RAPGEF6: variants seen among roughly 807,000 people sequenced by gnomAD.
RAPGEF6 encodes PDZ domain containing guanine nucleotide exchange factor (GEF) 2.
A neutral mutation model predicts 171.4 loss-of-function variants in RAPGEF6; 56 were observed. That is an observed-to-expected ratio of 0.33 (90% CI 0.26 to 0.41). RAPGEF6 has a LOEUF of 0.41. Among genes scored for constraint, RAPGEF6 ranks in the 10% least tolerant of loss-of-function variants. RAPGEF6 has a pLI of 1.00. For missense variants in RAPGEF6, 1,674 were observed against 1,921.4 expected, an observed-to-expected ratio of 0.87 and a Z score of 2.41; for synonymous variants, 692 against 650.1, an observed-to-expected ratio of 1.06 and a Z score of -0.98.
intron 1 of RAPGEF6, among the ~76,000 whole-genome samples, chr5:131,623,108 C>T (rs1341236696): frequency 1.3e-5 from 2 of 152,160 alleles, no homozygotes; most frequent in South Asian, 4.1e-4. Context: ...TAGGCAATTA[C>T]GTTAACACCT....
intron 8 of RAPGEF6, 48 bp from the exon 9 acceptor site, chr5:131,508,255 C>A: frequency 1.4e-6 from 2 of 1,475,716 alleles, no homozygotes; most frequent in South Asian, 1.4e-5. Context: ...AGGACTATAC[C>A]TTAAAAATAC....
At chr5:131,599,278 G>A (rs1024788558) in intron 3 of RAPGEF6, among the ~76,000 whole-genome samples, 3 of 152,088 alleles carry the variant, frequency 2.0e-5, no homozygotes, top group Non-Finnish European at 4.4e-5. Flanking sequence ...AGTGAGCCGA[G>A]ATTTTGCCAC....
intron 6 of RAPGEF6, among the ~76,000 whole-genome samples, chr5:131,543,357 C>T (rs1438680886): frequency 2.0e-5 from 3 of 152,170 alleles, no homozygotes; most frequent in South Asian, 2.1e-4. Flanking sequence ...ATACTTTTCA[C>T]GTTTTCTAAT....
chr5:131,522,887 T>C (rs1438207603), intron 6 of RAPGEF6, among the ~76,000 whole-genome samples: 1 of 152,158 alleles, frequency 6.6e-6, no homozygotes, highest in African/African-American at 2.4e-5. Flanking sequence ...AGTAAACTGA[T>C]GCTAATTTTA....
At chr5:131,510,093 G>A (rs1219532170) in intron 8 of RAPGEF6, among the ~76,000 whole-genome samples, 3 of 152,150 alleles carry the variant, frequency 2.0e-5, no homozygotes, top group Admixed American at 2.0e-4. Context: ...GGGAAGACCT[G>A]GATGGCTGCA....
At chr5:131,493,126 G>A (rs1209101839) in intron 13 of RAPGEF6, among the ~76,000 whole-genome samples, 3 of 152,112 alleles carry the variant, frequency 2.0e-5, no homozygotes, top group Non-Finnish European at 2.9e-5. Flanking sequence ...GCACAGTGGC[G>A]CGATCTCGAC....
Position 131,604,319 on chromosome 5 carries a change from A to C in RAPGEF6, c.140+304T>G, listed in dbSNP as rs191641851. ...ATCCTTGAAATACTTCAACAAAGAT[A>C]CTATCATTACCCCTATTTTATTGAA... On this transcript the variant is annotated intron_variant, in intron 2 of 27. Transcript: ENST00000509018. 1.6e-4 allele frequency among the ~76,000 whole-genome samples: 25 copies of C among 152,322 alleles called. 1 individual carries two copies. Among genetic ancestry groups the C allele is most frequent in the African/African-American group, 5.5e-4 (23 of 41,590 alleles).
intron 17 of RAPGEF6, among the ~76,000 whole-genome samples, chr5:131,467,980 G>A (rs1328042211): frequency 1.3e-5 from 2 of 151,272 alleles, no homozygotes; most frequent in Admixed American, 6.6e-5. Flanking sequence ...GCAGTGAGCC[G>A]AGATCATACT....
At chr5:131,569,082 T>C (rs968832715) in intron 4 of RAPGEF6, among the ~76,000 whole-genome samples, 6 of 152,220 alleles carry the variant, frequency 3.9e-5, no homozygotes, top group African/African-American at 1.4e-4. Flanking sequence ...AAATAAAAGA[T>C]AAATATATGC....
chr5:131,490,878 G>C (rs982468984), intron 14 of RAPGEF6, among the ~76,000 whole-genome samples: 4 of 152,186 alleles, frequency 2.6e-5, no homozygotes, highest in Non-Finnish European at 5.9e-5. Context: ...CTAAATGCTT[G>C]TTTAAAAGCT....
Position 131,508,194 on chromosome 5 carries a change from C to T in RAPGEF6, c.819G>A (p.Glu273=), listed in dbSNP as rs1290293246. The change falls in exon 9 of 28, where the codon GAG becomes GAA. Residue 273 remains glutamate (E), a synonymous_variant. Transcript: ENST00000509018. ...KTDDDIEQLL[E]FMHQLPAFAN... is the part of the protein sequence containing the mutation. ...CAAATGCAGGGAGCTGGTGCATAAA[C>T]TCCAGCAATTGTTCTATAAGAAAAC... 17 of 1,610,312 alleles carry T rather than the reference C, an allele frequency of 1.1e-5. No homozygotes were observed. Among genetic ancestry groups the T allele is most frequent in the African/African-American group, 2.7e-5 (2 of 74,672 alleles).
intron 22 of RAPGEF6, 93 bp downstream of exon 22, chr5:131,446,390 T>C: frequency 8.2e-7 from 1 of 1,226,086 alleles, no homozygotes; most frequent in Non-Finnish European, 1.1e-6. Context: ...TGAGTGAAAG[T>C]TAATTTTCTT....
chr5:131,432,151 A>T (rs1751746713), intron 25 of RAPGEF6, among the ~76,000 whole-genome samples: 1 of 152,208 alleles, frequency 6.6e-6, no homozygotes, highest in South Asian at 2.1e-4. Flanking sequence ...AAGAAAACAA[A>T]ACCAAACCAG....
chr5:131,586,557 G>T (rs1485466814), intron 4 of RAPGEF6, among the ~76,000 whole-genome samples: 1 of 152,164 alleles, frequency 6.6e-6, no homozygotes, highest in East Asian at 1.9e-4. Context: ...CTTGAACCTG[G>T]GAGGTGGAGG....
At chr5:131,532,516 G>T (rs931060305) in intron 6 of RAPGEF6, among the ~76,000 whole-genome samples, 4 of 152,088 alleles carry the variant, frequency 2.6e-5, no homozygotes, top group Non-Finnish European at 5.9e-5. Flanking sequence ...TGTGTTCCTG[G>T]ATTCCGTGAA....
intron 1 of RAPGEF6, among the ~76,000 whole-genome samples, chr5:131,626,976 C>G (rs1025664481): frequency 6.6e-6 from 1 of 152,120 alleles, no homozygotes; most frequent in African/African-American, 2.4e-5. Flanking sequence ...GAAGATCACT[C>G]TAGCAGCAAG....
At chr5:131,580,782 TC>T (rs1165510669) in intron 4 of RAPGEF6, among the ~76,000 whole-genome samples, 3 of 152,116 alleles carry the variant, frequency 2.0e-5, no homozygotes, top group African/African-American at 7.2e-5. Context: ...ACTTTACATT[TC>T]CAGTTCTGAC....
chr5:131,551,249 C>G (rs1300805470), intron 5 of RAPGEF6, among the ~76,000 whole-genome samples: 1 of 152,116 alleles, frequency 6.6e-6, no homozygotes, highest in Non-Finnish European at 1.5e-5. Flanking sequence ...CAGGGTGGCT[C>G]ACGCCTGTAA....
chr5:131,476,478 G>C (rs1200682236), intron 16 of RAPGEF6, among the ~76,000 whole-genome samples: 1 of 151,676 alleles, frequency 6.6e-6, no homozygotes, highest in Non-Finnish European at 1.5e-5. Flanking sequence ...TTATTTTTTT[G>C]AGTCGGAGTT....
Sources: gnomAD v4.1 joint callset for allele counts (sites outside exome capture counted in the v4.1 genomes callset) on GRCh38, gnomAD v4.1.1 for gene constraint, MANE v1.5 for transcripts, NCBI Gene and HGNC (gene_info 2026-07-23, HGNC 2026-07-21) for gene names.